AZIN2: variants seen among roughly 807,000 people sequenced by gnomAD.
AZIN2 encodes the protein ODC antizyme inhibitor-2.
A neutral mutation model predicts 47.8 loss-of-function variants in AZIN2; 28 were observed. That is an observed-to-expected ratio of 0.59 (90% CI 0.43 to 0.80). AZIN2 has a LOEUF of 0.80. Among genes scored for constraint, AZIN2 ranks in the 30% least tolerant of loss-of-function variants. The probability of loss-of-function intolerance (pLI) is 0.00; values close to 1 mark genes in which losing one functional copy is unlikely to be tolerated. For synonymous variants in AZIN2, 221 were observed against 239.4 expected, an observed-to-expected ratio of 0.92 and a Z score of 0.71; for missense variants, 535 against 582.5, an observed-to-expected ratio of 0.92 and a Z score of 0.84.
At chr1:33,163,340 A>G in the AZIN2 span, 1 of 151,032 alleles carries the variant, frequency 6.6e-6, no homozygotes, top group Non-Finnish European at 1.5e-5. Flanking sequence ...TGCCTGGCCG[A>G]TTTTTTTTTC....
the AZIN2 span, chr1:33,165,856 C>T: frequency 3.8e-6 from 1 of 262,624 alleles, no homozygotes; most frequent in Non-Finnish European, 7.2e-6. The surrounding 1 kb of genome is among the most constrained non-coding windows in gnomAD (Gnocchi z 4.0). Flanking sequence ...TGGCTCCCCA[C>T]ACTTGGCCCT....
Position 33,081,860 on chromosome 1 carries a change from G to A in AZIN2, c.-73+48G>A. On this transcript the variant is annotated intron_variant, in intron 3 of 11. Transcript: ENST00000294517. This position sits in a 1 kb window ranked among gnomAD's most constrained non-coding sequence, Gnocchi z 4.2. ...GCGCCCTGGAAACTTCCCCACCCAA[G>A]TTTCTCAGATTTTCTGTTCCATCTC... is the stretch of plus-strand genomic sequence containing the variant. 3.7e-6 allele frequency: 1 copy of A among 268,866 alleles called. No homozygotes were observed. Among genetic ancestry groups the A allele is most frequent in the South Asian group, 3.3e-5 (1 of 29,934 alleles). 16.7% of individuals were successfully genotyped at this position (268,866 alleles called of 1,614,324 possible).
the AZIN2 span, chr1:33,163,335 G>A: frequency 6.6e-6 from 1 of 151,616 alleles, no homozygotes; most frequent in Non-Finnish European, 1.5e-5. Flanking sequence ...CACTGTGCCT[G>A]GCCGATTTTT....
intron 4 of AZIN2, 172 bp downstream of exon 4, chr1:33,082,526 A>C (rs1569846170): frequency 1.8e-6 from 1 of 548,842 alleles, no homozygotes. Context: ...TTGCCCCCAA[A>C]CCTGCCCCTC....
At chr1:33,102,073 G>C (rs12058358) in intron 10 of AZIN2, among the ~76,000 whole-genome samples, 1 of 152,144 alleles carries the variant, frequency 6.6e-6, no homozygotes, top group African/African-American at 2.4e-5. Context: ...GGCTTCATGA[G>C]AAAATGCCAA....
chr1:33,113,771 G>C lies in AZIN2; in HGVS notation c.1030-4131G>C, dbSNP rs1644393092. ...TTCAGTGTATCTCAATGAAGTCAGA[G>C]TTGGATCATTATTTAAAATAGTCTC... is the stretch of plus-strand genomic sequence containing the variant. On this transcript the variant is annotated intron_variant, in intron 10 of 11. Transcript: ENST00000294517. The surrounding 1 kb of genome is among the most constrained non-coding windows in gnomAD (Gnocchi z 4.1). Among the ~76,000 whole-genome samples, 1 of 152,218 alleles carries C rather than the reference G, an allele frequency of 6.6e-6. No homozygotes were observed. The highest frequency in any genetic ancestry group is 1.5e-5 in the Non-Finnish European group (1 of 68,040).
chr1:33,094,233 G>C (rs975797307), intron 7 of AZIN2, among the ~76,000 whole-genome samples: 1 of 152,196 alleles, frequency 6.6e-6, no homozygotes, highest in Admixed American at 6.5e-5. Flanking sequence ...AAACAAAGCT[G>C]AGTAAGCTGC....
At position 33,094,110 on chromosome 1, in the gene AZIN2, G is replaced by A. The variant is rs1032479886; in HGVS notation, c.588-438G>A. On this transcript the variant is annotated intron_variant, in intron 7 of 11. Transcript: ENST00000294517. ...TGAACAATGAACTACCTAATATAGG[G>A]CTTCATTTATTCTGTACTTAGGTGT... 2.6e-5 allele frequency among the ~76,000 whole-genome samples: 4 copies of A among 152,186 alleles called. No individual in the cohort carries two copies. The South Asian group carries it at 8.3e-4, about 32-fold the overall frequency.
intron 9 of AZIN2, among the ~76,000 whole-genome samples, chr1:33,097,601 G>A (rs1643293893): frequency 6.6e-6 from 1 of 152,170 alleles, no homozygotes; most frequent in Non-Finnish European, 1.5e-5. Context: ...CATGTGAAGG[G>A]TGGTGGGCTC....
At chr1:33,090,556 CA>C (rs1367307632) in intron 5 of AZIN2, among the ~76,000 whole-genome samples, 3 of 152,186 alleles carry the variant, frequency 2.0e-5, no homozygotes, top group Non-Finnish European at 4.4e-5. Context: ...TCTAATACAC[CA>C]GCAGTGCTTT....
the AZIN2 span, among the ~76,000 whole-genome samples, chr1:33,148,233 C>T: frequency 5.9e-5 from 9 of 152,204 alleles, no homozygotes; most frequent in Non-Finnish European, 8.8e-5. Context: ...CCTTCCCCGA[C>T]TCCCAGTGAT....
At chr1:33,146,691 T>C in the AZIN2 span, 1 of 173,792 alleles carries the variant, frequency 5.8e-6, no homozygotes, top group Non-Finnish European at 1.2e-5. Flanking sequence ...GACCAGGTAC[T>C]ACCTGTGACC....
At chr1:33,154,425 C>T in the AZIN2 span, among the ~76,000 whole-genome samples, 1 of 152,186 alleles carries the variant, frequency 6.6e-6, no homozygotes, top group Non-Finnish European at 1.5e-5. Flanking sequence ...CTGGGGCCTG[C>T]CAGCTTCTCA....
rs1204334084 is a variant in AZIN2, at chr1:33,122,173, C to A, written c.*1991C>A. 2.0e-5 allele frequency among the ~76,000 whole-genome samples: 3 copies of A among 152,220 alleles called. No homozygotes were observed. In the East Asian group the frequency reaches 5.8e-4, roughly 29 times the overall value. ...TTTTGCGGAGAGGGACATAGGTTTT[C>A]TGCTGGAACCAGGCATCTGCTGTGA... On this transcript the variant is annotated 3_prime_UTR_variant, in exon 12 of 12. Transcript: ENST00000294517.
At chr1:33,143,554 C>T in the AZIN2 span, among the ~76,000 whole-genome samples, 1 of 152,174 alleles carries the variant, frequency 6.6e-6, no homozygotes, top group African/African-American at 2.4e-5. Context: ...CCACCCACCC[C>T]TGCCAACAGC....
chr1:33,093,562 T>A, intron 7 of AZIN2, 146 bp downstream of exon 7: 1 of 1,189,308 alleles, frequency 8.4e-7, no homozygotes, highest in East Asian at 2.6e-5. Context: ...GAATTTCCTC[T>A]GTTTGAAAAG....
At chr1:33,083,531 A>G (rs535956715) in intron 4 of AZIN2, 59 of 292,418 alleles carry the variant, frequency 2.0e-4, no homozygotes, top group Admixed American at 6.8e-4. Flanking sequence ...ATGCATATGC[A>G]GTTCTGATAC....
intron 3 of AZIN2, 46 bp from the exon 4 acceptor site, chr1:33,082,132 A>G: frequency 2.4e-6 from 2 of 833,474 alleles, no homozygotes; most frequent in South Asian, 2.9e-5. Flanking sequence ...GTGGGGCAGC[A>G]GAGCCGGCCC....
Position 33,105,460 on chromosome 1 carries a change from A to C in AZIN2, c.1029+7281A>C, listed in dbSNP as rs534748617. Among the ~76,000 whole-genome samples, 18 of 152,312 alleles carry C rather than the reference A, an allele frequency of 1.2e-4. No homozygotes were observed. The East Asian group carries it at 3.1e-3, about 26-fold the overall frequency. On this transcript the variant is annotated intron_variant, in intron 10 of 11. Transcript: ENST00000294517. ...TTTAAAAAGGAAAGAGGTTTAATTG[A>C]CACAGTTCTGCATGGATAGGGAGGC...
Sources: allele counts gnomAD v4.1 joint callset (sites outside exome capture counted in the v4.1 genomes callset), GRCh38; gene constraint gnomAD v4.1.1; non-coding constraint Gnocchi (gnomAD v3.1); transcripts MANE v1.5; gene names NCBI Gene and HGNC (gene_info 2026-07-23, HGNC 2026-07-21).